RPS6KA5: variants seen among roughly 807,000 people sequenced by gnomAD.
RPS6KA5 encodes ribosomal protein S6 kinase A5, also known as ribosomal protein S6 kinase alpha-5.
RPS6KA5 carries 27 observed loss-of-function variants against 85.5 expected under a neutral mutation model. The observed-to-expected ratio is 0.32, with a 90% CI of 0.23 to 0.44. The LOEUF (loss-of-function observed/expected upper bound fraction) is 0.44, where lower values mean the gene tolerates loss of function less well. Ranked by LOEUF, RPS6KA5 falls within the 20% of genes least tolerant of loss-of-function variation. The pLI is 1.00. For missense variants in RPS6KA5, 811 were observed against 980.9 expected (o/e 0.83, Z 2.31); for synonymous variants, 334 against 348.2 (o/e 0.96, Z 0.46).
At chr14:91,034,682 G>A (rs531764506) in intron 1 of RPS6KA5, among the ~76,000 whole-genome samples, 22 of 152,282 alleles carry the variant, frequency 1.4e-4, no homozygotes, top group South Asian at 8.3e-4. Flanking sequence ...CCCCTTTCAC[G>A]CTGTGGAAGC....
chr14:90,973,758 C>T (rs945064791), intron 3 of RPS6KA5, among the ~76,000 whole-genome samples: 61 of 152,052 alleles, frequency 4.0e-4, no homozygotes, highest in African/African-American at 1.3e-3. Context: ...AGTATCAGGG[C>T]GGGCGTGGTG....
intron 1 of RPS6KA5, among the ~76,000 whole-genome samples, chr14:91,003,878 G>C (rs944015593): frequency 2.6e-5 from 4 of 152,060 alleles, no homozygotes; most frequent in Admixed American, 2.0e-4. Context: ...AGATTTCTTG[G>C]AATTTTCTTG....
rs889889235 is a variant in RPS6KA5 at position 90,865,483 on chromosome 14, G to A, written c.*6591C>T. 1 of 152,238 alleles carries A rather than the reference G, an allele frequency of 6.6e-6. No individual in the cohort carries two copies. Among genetic ancestry groups the A allele is most frequent in the African/African-American group, 2.4e-5 (1 of 41,452 alleles). The allele number at this position is 152,238 out of a possible 1,614,324, so 9.4% of individuals were successfully genotyped here. On this transcript the variant is annotated 3_prime_UTR_variant, in exon 17 of 17. Transcript: ENST00000614987. ...TGACAGAGGTCAGAGTGGTGGTTAT[G>A]TATGAGGACTGACTGGGAGCCTCAT...
chr14:90,939,598 G>C (rs2037463191), intron 5 of RPS6KA5, among the ~76,000 whole-genome samples: 1 of 152,228 alleles, frequency 6.6e-6, no homozygotes, highest in African/African-American at 2.4e-5. Flanking sequence ...AGCAAGTCAT[G>C]TCTTACATGG....
intron 3 of RPS6KA5, among the ~76,000 whole-genome samples, chr14:90,956,732 A>AT (rs1470121040): frequency 6.6e-6 from 1 of 151,594 alleles, no homozygotes; most frequent in Non-Finnish European, 1.5e-5. Flanking sequence ...TTAACTTATC[A>AT]TAACAGCTTT....
At chr14:91,036,633 G>A (rs1398600083) in intron 1 of RPS6KA5, among the ~76,000 whole-genome samples, 1 of 152,190 alleles carries the variant, frequency 6.6e-6, no homozygotes, top group East Asian at 1.9e-4. Context: ...CTGGAAAGGA[G>A]CATATGCCAA....
chr14:90,893,984 A>G (rs962687584), intron 13 of RPS6KA5: 17 of 856,418 alleles, frequency 2.0e-5, no homozygotes, highest in Non-Finnish European at 2.4e-5. Flanking sequence ...TTTAGAATAG[A>G]ATTATATACA....
chr14:91,054,053 T>A (rs1442279264), intron 1 of RPS6KA5, among the ~76,000 whole-genome samples: 1 of 152,214 alleles, frequency 6.6e-6, no homozygotes, highest in East Asian at 1.9e-4. Context: ...TATAGTCAAC[T>A]GATTTTCAAT....
At chr14:91,028,285 A>G (rs2042058850) in intron 1 of RPS6KA5, among the ~76,000 whole-genome samples, 1 of 152,086 alleles carries the variant, frequency 6.6e-6, no homozygotes, top group Non-Finnish European at 1.5e-5. Context: ...AGGCACAATC[A>G]GGGCTCACTG....
chr14:91,035,151 C>G (rs1019528854), intron 1 of RPS6KA5, among the ~76,000 whole-genome samples: 1 of 151,878 alleles, frequency 6.6e-6, no homozygotes, highest in East Asian at 1.9e-4. Flanking sequence ...ACAGAAACTT[C>G]TGGATGTGGG....
intron 6 of RPS6KA5, among the ~76,000 whole-genome samples, 196 bp from the exon 7 acceptor site, chr14:90,920,505 C>T (rs1223529922): frequency 3.3e-5 from 5 of 152,056 alleles, no homozygotes; most frequent in Non-Finnish European, 7.4e-5. Flanking sequence ...ATCCTCAGCA[C>T]AGAAAGCATG....
At chr14:90,884,841 G>A (rs2034083430) in intron 14 of RPS6KA5, among the ~76,000 whole-genome samples, 1 of 152,104 alleles carries the variant, frequency 6.6e-6, no homozygotes, top group East Asian at 1.9e-4. Context: ...TTCCTGAATT[G>A]GAATTGCTGG....
chr14:90,908,833 T>C (rs566283238), intron 7 of RPS6KA5, among the ~76,000 whole-genome samples: 22 of 152,166 alleles, frequency 1.4e-4, no homozygotes, highest in Admixed American at 1.2e-3. Flanking sequence ...TGCAGGCCCC[T>C]GGAAGCCATG....
chr14:91,037,817 C>T (rs895162992), intron 1 of RPS6KA5, among the ~76,000 whole-genome samples: 3 of 152,308 alleles, frequency 2.0e-5, no homozygotes, highest in Middle Eastern at 3.4e-3. Flanking sequence ...CTTATTCATC[C>T]TTATTATTCC....
intron 5 of RPS6KA5, among the ~76,000 whole-genome samples, chr14:90,927,309 A>G (rs2036726880): frequency 6.6e-6 from 1 of 152,166 alleles, no homozygotes; most frequent in South Asian, 2.1e-4. Flanking sequence ...GGAAAAAGGG[A>G]AAACAGAAGC....
intron 1 of RPS6KA5, among the ~76,000 whole-genome samples, chr14:91,038,956 A>C (rs996084874): frequency 6.6e-6 from 1 of 152,142 alleles, no homozygotes; most frequent in Non-Finnish European, 1.5e-5. Context: ...ATCTTTCCAA[A>C]TGCTGCCATA....
chr14:90,959,782 A>G (rs2038703342), intron 3 of RPS6KA5, among the ~76,000 whole-genome samples: 1 of 152,230 alleles, frequency 6.6e-6, no homozygotes, highest in African/African-American at 2.4e-5. Context: ...GCCTACATGC[A>G]TTCTTCTGAG....
intron 3 of RPS6KA5, among the ~76,000 whole-genome samples, chr14:90,951,775 G>A (rs1332708724): frequency 5.9e-5 from 9 of 152,180 alleles, no homozygotes; most frequent in African/African-American, 2.2e-4. Flanking sequence ...GGGAAGATAA[G>A]GGCATTACCC....
At chr14:90,986,263 C>G (rs1381940867) in intron 2 of RPS6KA5, among the ~76,000 whole-genome samples, 1 of 151,970 alleles carries the variant, frequency 6.6e-6, no homozygotes, top group Non-Finnish European at 1.5e-5. Flanking sequence ...TTAAAATTAC[C>G]TACACATACC....
Sources: gnomAD v4.1 joint callset for allele counts (sites outside exome capture counted in the v4.1 genomes callset) on GRCh38, gnomAD v4.1.1 for gene constraint, MANE v1.5 for transcripts, NCBI Gene and HGNC (gene_info 2026-07-23, HGNC 2026-07-21) for gene names.